SYMPK: variants seen among roughly 807,000 people sequenced by gnomAD.
SYMPK encodes the protein symplekin.
SYMPK carries 49 observed loss-of-function variants against 136.4 expected under a neutral mutation model. The ratio of observed to expected loss-of-function variants is 0.36; its 90% CI spans 0.29 to 0.46. SYMPK has a LOEUF of 0.46. SYMPK is among the 20% of genes least tolerant of loss of function. The probability of loss-of-function intolerance (pLI) is 1.00; values close to 1 mark genes in which losing one functional copy is unlikely to be tolerated. For missense variants in SYMPK, 1,365 were observed against 1,690.0 expected (o/e 0.81, Z 3.37); for synonymous variants, 766 against 713.0 (o/e 1.07, Z -1.19).
intron 11 of SYMPK, among the ~76,000 whole-genome samples, chr19:45,832,868 A>G (rs2146317763): frequency 6.6e-6 from 1 of 151,520 alleles, no homozygotes; most frequent in Admixed American, 6.6e-5. Flanking sequence ...AAAAAAAAAA[A>G]AAAAAAATCA....
chr19:45,846,816 GAC>G (rs149808838), intron 7 of SYMPK, among the ~76,000 whole-genome samples: 21,413 of 146,632 alleles, frequency 0.15, 1,593 homozygotes, highest in Admixed American at 0.18. Flanking sequence ...TTTTTTTTGA[GAC>G]AGTCTCATTC....
At chr19:45,840,801 C>T (rs1262026857) in intron 9 of SYMPK, among the ~76,000 whole-genome samples, 2 of 151,736 alleles carry the variant, frequency 1.3e-5, no homozygotes, top group Non-Finnish European at 2.9e-5. Flanking sequence ...CCAGATTACA[C>T]CACTGCACTC....
At chr19:45,835,016 A>C in intron 11 of SYMPK, 62 bp downstream of exon 11, 1 of 1,417,208 alleles carries the variant, frequency 7.1e-7, no homozygotes, top group Non-Finnish European at 9.3e-7. Context: ...TCTTCCAGTA[A>C]GGAGAACCCA....
chr19:45,848,611 A>G, intron 6 of SYMPK, 139 bp downstream of exon 6: 2 of 1,190,982 alleles, frequency 1.7e-6, no homozygotes, highest in African/African-American at 1.5e-5. Context: ...TTAGCTCTCC[A>G]TGTTATCTGT....
At chr19:45,832,192 A>C (rs1318090526) in intron 11 of SYMPK, among the ~76,000 whole-genome samples, 1 of 151,944 alleles carries the variant, frequency 6.6e-6, no homozygotes, top group African/African-American at 2.4e-5. Flanking sequence ...CCAAGGCTGG[A>C]GTGCAGTGGC....
chr19:45,834,770 A>G (rs565573215), intron 11 of SYMPK, among the ~76,000 whole-genome samples: 1 of 152,366 alleles, frequency 6.6e-6, no homozygotes, highest in African/African-American at 2.4e-5. Context: ...TGTGTATCAC[A>G]CATTAATAGT....
In SYMPK at chr19:45,816,088, C is replaced by T; in HGVS notation, c.3450G>A (p.Lys1150=). The change falls in exon 26 of 27, where the codon AAG becomes AAA. Residue 1150 remains lysine, a synonymous_variant. Coordinates refer to ENST00000245934, the MANE Select transcript of SYMPK (RefSeq NM_004819.3). ...GLRLAQEKAL[K]RQLEEEQKLK... The stretch of plus-strand genomic sequence containing the variant: ...GCTTCTGTTCCTCCTCCAGCTGCCG[C>T]TTTAAGGCCTTCTCCTGGGCCAGTC... 19 of 1,557,358 alleles carry T rather than the reference C, an allele frequency of 1.2e-5. No individual in the cohort carries two copies. The highest frequency in any genetic ancestry group is 1.7e-5 in the Non-Finnish European group (19 of 1,150,630).
At position 45,821,496 on chromosome 19, in the gene SYMPK, C is replaced by A; in HGVS notation, c.2792-11G>T. On this transcript the variant is annotated splice_polypyrimidine_tract_variant and intron_variant, in intron 21 of 26. Transcript: ENST00000245934. The surrounding 1 kb of genome is among the most constrained non-coding windows in gnomAD (Gnocchi z 4.4). ...CTGAGTTTCCCTCACCTGCAGCAGG[C>A]GGGAGGAAGGGTGGGGGAAGACAGT... 6.2e-7 allele frequency: 1 copy of A among 1,600,970 alleles called. No homozygotes were observed. Among genetic ancestry groups the A allele is most frequent in the Non-Finnish European group, 8.6e-7 (1 of 1,168,886 alleles).
intron 8 of SYMPK, 139 bp from the exon 9 acceptor site, chr19:45,842,628 T>A (rs16980051): frequency 8.3e-7 from 1 of 1,202,142 alleles, no homozygotes; most frequent in Non-Finnish European, 1.1e-6. Flanking sequence ...ATCTAACGTG[T>A]GGCTTTCCGC....
intron 1 of SYMPK, among the ~76,000 whole-genome samples, 162 bp downstream of exon 1, chr19:45,862,896 G>C (rs1377803153): frequency 6.6e-6 from 1 of 152,222 alleles, no homozygotes; most frequent in Non-Finnish European, 1.5e-5. Context: ...TTGCCTCGAG[G>C]GCACTAGGGA....
chr19:45,816,175 C>T lies in SYMPK; in HGVS notation c.3363G>A (p.Leu1121=). 6.5e-7 allele frequency: 1 copy of T among 1,536,958 alleles called. No homozygotes were observed. The highest frequency in any genetic ancestry group is 8.8e-7 in the Non-Finnish European group (1 of 1,139,132). The change falls in exon 26 of 27, where the codon CTG becomes CTA. Residue 1121 remains leucine (L), a synonymous_variant. Transcript: ENST00000245934. Reference sequence around the variant, plus strand: ...GGGCCGGGGCCAAGGTCAGGGGCTCCAGATCATCCTGGGGATAGGGAGGGC... The same window carrying T: ...GGGCCGGGGCCAAGGTCAGGGGCTCTAGATCATCCTGGGGATAGGGAGGGC... ...APAGPLEEDD[L]EPLTLAPAPA... is the part of the protein sequence containing the mutation.
Position 45,827,863 on chromosome 19 carries a change from C to T in SYMPK, c.2041G>A (p.Val681Met). The change falls in exon 15 of 27, where the codon GTG (valine) becomes ATG (methionine). Residue 681 changes from valine to methionine, a missense_variant. Val to Met is a conservative substitution (Grantham distance 21). Around this residue, in one of 11 missense-constraint regions of SYMPK, gnomAD observed 303 missense variants for 326.6 expected, o/e 0.93. Coordinates refer to ENST00000245934, the MANE Select transcript of SYMPK (RefSeq NM_004819.3). ...TCATCCTCGCAGTACTTGCGGACCACCTCCAGGGCACTCTCTGTGATGAGT... is the reference window on the plus strand; with the variant it reads ...TCATCCTCGCAGTACTTGCGGACCATCTCCAGGGCACTCTCTGTGATGAGT... The part of the protein sequence containing the change: ...APLITESALE[V>M]VRKYCEDESR... 1 of 1,614,084 alleles carries T rather than the reference C, an allele frequency of 6.2e-7. No homozygotes were observed. The highest frequency in any genetic ancestry group is 8.5e-7 in the Non-Finnish European group (1 of 1,180,048).
intron 1 of SYMPK, chr19:45,855,210 A>G (rs903042278): frequency 2.6e-5 from 4 of 152,440 alleles, no homozygotes; most frequent in African/African-American, 7.2e-5. Context: ...AGCTCTGAGG[A>G]ATATCAGGCA....
chr19:45,820,961 C>G (rs915382752), intron 22 of SYMPK: 15 of 582,924 alleles, frequency 2.6e-5, no homozygotes, highest in Non-Finnish European at 4.2e-5. Flanking sequence ...GCCCTGCAGG[C>G]AAGCTCTCCT....
chr19:45,856,859 G>A (rs1358066986), intron 1 of SYMPK, among the ~76,000 whole-genome samples: 1 of 152,090 alleles, frequency 6.6e-6, no homozygotes, highest in East Asian at 1.9e-4. Context: ...GCTCACATCT[G>A]TAATCCCAGC....
At position 45,854,237 on chromosome 19, in the gene SYMPK, C is replaced by T. The variant is rs1470414605; in HGVS notation, c.109G>A (p.Val37Met). ...IDGMTTSERV[V>M]DLLNQAALIT... The stretch of plus-strand genomic sequence containing the variant: ...AGCGCCGCCTGGTTCAGAAGATCCA[C>T]CACCTGGAAGGAGGGGGAGTGGCAG... Residue 37 changes from valine to methionine, a missense_variant, in exon 3 of 27, where the codon GTG becomes ATG. This residue lies in a region of SYMPK where 61 missense variants were observed against 80.7 expected (regional missense o/e 0.76). Coordinates refer to ENST00000245934, the MANE Select transcript of SYMPK (RefSeq NM_004819.3). The T allele has an allele frequency of 6.2e-7, 1 of 1,614,042 alleles. No homozygotes were observed. Among genetic ancestry groups the T allele is most frequent in the Non-Finnish European group, 8.5e-7 (1 of 1,180,032 alleles).
Position 45,838,578 on chromosome 19 carries a change from C to A in SYMPK, c.1125G>T (p.Leu375Phe). The change falls in exon 10 of 27, where the codon TTG becomes TTT. Residue 375 changes from leucine (L) to phenylalanine (F), a missense_variant. Leu to Phe is a conservative substitution (Grantham distance 22, BLOSUM62 0). Around this residue, in one of 11 missense-constraint regions of SYMPK, gnomAD observed 111 missense variants for 141.2 expected, o/e 0.79. Transcript: ENST00000245934. ...TCGAGGTCCCCGACGGGCCTGGCTC[C>A]AAGTCTTTGTCCTCATCGTCCTCCC... is the stretch of plus-strand genomic sequence containing the variant. ...NLGEDDEDKD[L>F]EPGPSGTSKA... The A allele has an allele frequency of 6.2e-7, 1 of 1,614,164 alleles. No individual in the cohort carries two copies. The highest frequency in any genetic ancestry group is 8.5e-7 in the Non-Finnish European group (1 of 1,180,018).
chr19:45,856,437 C>T (rs894024004), intron 1 of SYMPK, among the ~76,000 whole-genome samples: 2 of 152,052 alleles, frequency 1.3e-5, no homozygotes, highest in African/African-American at 4.8e-5. Flanking sequence ...CCATTTTTGT[C>T]AAGTATGTGT....
In SYMPK at chr19:45,842,459, T is replaced by C; in HGVS notation, c.878A>G (p.Gln293Arg). ...CAGATTCTTACGCACACTGCTCACC[T>C]GCGATTTGGCCAGCGTCGGGGGCAG... Reference protein sequence around the residue: ...ANLPPTLAKSQVSSVRKNLKL... With the variant: ...ANLPPTLAKSRVSSVRKNLKL... The change falls in exon 9 of 27, where the codon CAG becomes CGG. Residue 293 changes from glutamine to arginine, a missense_variant. Physicochemically the swap from Gln to Arg is conservative, Grantham distance 43. Around this residue, in one of 11 missense-constraint regions of SYMPK, gnomAD observed 237 missense variants for 292.9 expected, o/e 0.81. Transcript: ENST00000245934. 6.2e-7 allele frequency: 1 copy of C among 1,613,608 alleles called. No individual in the cohort carries two copies. Among genetic ancestry groups the C allele is most frequent in the Non-Finnish European group, 8.5e-7 (1 of 1,179,674 alleles).
Sources: allele counts gnomAD v4.1 joint callset (sites outside exome capture counted in the v4.1 genomes callset), GRCh38; gene constraint gnomAD v4.1.1; regional missense constraint gnomAD v4.1.1; non-coding constraint Gnocchi (gnomAD v3.1); transcripts MANE v1.5; gene names NCBI Gene and HGNC (gene_info 2026-07-23, HGNC 2026-07-21).